CSNK1G3: variants seen among roughly 807,000 people sequenced by gnomAD.
The protein encoded by CSNK1G3 is casein kinase I isoform gamma-3.
A neutral mutation model predicts 64.3 loss-of-function variants in CSNK1G3; 23 were observed. The ratio of observed to expected loss-of-function variants is 0.36; its 90% CI spans 0.26 to 0.51. The LOEUF (loss-of-function observed/expected upper bound fraction) is 0.51, where lower values mean the gene tolerates loss of function less well. Among genes scored for constraint, CSNK1G3 ranks in the 20% least tolerant of loss-of-function variants. The pLI is 0.96. For missense variants in CSNK1G3, 357 were observed against 510.5 expected, an observed-to-expected ratio of 0.70 and a Z score of 2.90; for synonymous variants, 158 against 162.2, an observed-to-expected ratio of 0.97 and a Z score of 0.20.
intron 1 of CSNK1G3, among the ~76,000 whole-genome samples, chr5:123,537,204 T>C (rs1283124849): frequency 6.6e-6 from 1 of 152,144 alleles, no homozygotes; most frequent in Admixed American, 6.6e-5. Flanking sequence ...CATCAAAGGA[T>C]GAATGTGTAA....
At chr5:123,517,977 T>C (rs1247092261) in intron 1 of CSNK1G3, among the ~76,000 whole-genome samples, 4 of 151,916 alleles carry the variant, frequency 2.6e-5, no homozygotes, top group Non-Finnish European at 5.9e-5. Flanking sequence ...CAGAGGTTCA[T>C]TCCTTAGAGT....
chr5:123,544,924 G>A (rs192999216), intron 1 of CSNK1G3, among the ~76,000 whole-genome samples: 23 of 151,852 alleles, frequency 1.5e-4, no homozygotes, highest in African/African-American at 5.1e-4. Flanking sequence ...TAATTATAAG[G>A]TAATACTTGA....
chr5:123,549,937 T>G (rs557334239), intron 2 of CSNK1G3, among the ~76,000 whole-genome samples: 2 of 152,340 alleles, frequency 1.3e-5, no homozygotes, highest in East Asian at 3.9e-4. Flanking sequence ...CTTATTTTTG[T>G]TTTTTCTTTT....
intron 12 of CSNK1G3, among the ~76,000 whole-genome samples, chr5:123,606,966 TAA>T (rs1795470882): frequency 6.6e-6 from 1 of 152,174 alleles, no homozygotes; most frequent in Admixed American, 6.6e-5. Flanking sequence ...CTTGTAAAGA[TAA>T]AGATTACTTC....
At chr5:123,526,862 G>GTGTT (rs1655809575) in intron 1 of CSNK1G3, among the ~76,000 whole-genome samples, 2 of 120,144 alleles carry the variant, frequency 1.7e-5, no homozygotes, top group Admixed American at 1.6e-4. Flanking sequence ...GTGTGTGTGT[G>GTGTT]TGTGTGTGTG....
intron 2 of CSNK1G3, among the ~76,000 whole-genome samples, chr5:123,546,982 G>T (rs1258710782): frequency 1.3e-5 from 2 of 152,022 alleles, no homozygotes; most frequent in Admixed American, 6.6e-5. Flanking sequence ...TATTTGAAGG[G>T]TATTGAATTA....
At chr5:123,612,580 T>C (rs1561639386) in intron 12 of CSNK1G3, among the ~76,000 whole-genome samples, 1 of 151,350 alleles carries the variant, frequency 6.6e-6, no homozygotes, top group East Asian at 2.0e-4. Context: ...TGGGTTCAAG[T>C]GATTCTCCTG....
intron 2 of CSNK1G3, among the ~76,000 whole-genome samples, chr5:123,547,762 A>G (rs1206905695): frequency 1.3e-5 from 2 of 152,066 alleles, no homozygotes; most frequent in African/African-American, 4.8e-5. Flanking sequence ...TGTTTTATGT[A>G]TACTTATAAT....
intron 1 of CSNK1G3, among the ~76,000 whole-genome samples, chr5:123,523,175 A>G (rs548363216): frequency 6.6e-6 from 1 of 152,196 alleles, no homozygotes; most frequent in Admixed American, 6.5e-5. Context: ...ACCACTGTTG[A>G]TGAGGAACGG....
intron 2 of CSNK1G3, among the ~76,000 whole-genome samples, chr5:123,548,459 CAAAAAAAAAAA>C (rs58778870): frequency 2.5e-5 from 2 of 79,286 alleles, no homozygotes; most frequent in Non-Finnish European, 5.0e-5. Flanking sequence ...GACTCTGTCT[CAAAAAAAAAAA>C]AAAAAAAAGG....
In CSNK1G3 at chr5:123,545,505, G is replaced by T; in HGVS notation, c.-159G>T. ...GACACTAAGAAAAATTTTACGAATGGGATGAACATGCTCCAGTTAATTGAC... is the reference window on the plus strand; with the variant it reads ...GACACTAAGAAAAATTTTACGAATGTGATGAACATGCTCCAGTTAATTGAC... On this transcript the variant is annotated 5_prime_UTR_variant, in exon 2 of 13. It introduces an in-frame stop codon into an upstream open reading frame of the 5' UTR. Transcript: ENST00000345990. 1 of 522,892 alleles carries T rather than the reference G, an allele frequency of 1.9e-6. No individual in the cohort carries two copies. 32.4% of individuals were successfully genotyped at this position (522,892 alleles called of 1,614,324 possible).
At chr5:123,573,096 A>G (rs374342355) in intron 4 of CSNK1G3, among the ~76,000 whole-genome samples, 1 of 152,184 alleles carries the variant, frequency 6.6e-6, no homozygotes, top group African/African-American at 2.4e-5. Context: ...GGAAATATAA[A>G]GCTAAAAAGC....
chr5:123,529,777 A>C (rs1371753007), intron 1 of CSNK1G3, among the ~76,000 whole-genome samples: 1 of 152,154 alleles, frequency 6.6e-6, no homozygotes, highest in Admixed American at 6.6e-5. Context: ...GTCATTCTTA[A>C]AGATGAAGGT....
exon 13 of CSNK1G3, chr5:123,615,757 A>G (rs1371409034): frequency 6.6e-6 from 1 of 152,194 alleles, no homozygotes; most frequent in Non-Finnish European, 1.5e-5. Context: ...AAAGATAATT[A>G]TTTTGAATAA....
chr5:123,600,906 T>C (rs1207968273), intron 10 of CSNK1G3, among the ~76,000 whole-genome samples: 5 of 150,912 alleles, frequency 3.3e-5, no homozygotes, highest in African/African-American at 4.9e-5. Flanking sequence ...TAGTTGCCTT[T>C]TTTTTTTTTT....
intron 8 of CSNK1G3, 54 bp from the exon 9 acceptor site, chr5:123,590,347 CTTAATTTTA>C: frequency 1.3e-6 from 1 of 790,216 alleles, no homozygotes; most frequent in Non-Finnish European, 1.8e-6. Flanking sequence ...CTTTTAGATA[CTTAATTTTA>C]TTACTGAGTA....
At chr5:123,533,786 A>G (rs957693848) in intron 1 of CSNK1G3, among the ~76,000 whole-genome samples, 2 of 151,340 alleles carry the variant, frequency 1.3e-5, no homozygotes, top group Non-Finnish European at 2.9e-5. Context: ...TGTTCTTCAT[A>G]TGATCTGCTT....
chr5:123,583,359 GTTT>G (rs10611933), intron 6 of CSNK1G3, among the ~76,000 whole-genome samples: 43 of 111,266 alleles, frequency 3.9e-4, no homozygotes, highest in Non-Finnish European at 4.2e-4. Context: ...TAGAAATCCA[GTTT>G]TTTTTTTTTT....
chr5:123,571,241 A>G (rs1788038947), intron 4 of CSNK1G3, among the ~76,000 whole-genome samples: 1 of 151,984 alleles, frequency 6.6e-6, no homozygotes, highest in South Asian at 2.1e-4. Context: ...ATTTGTATCC[A>G]TTCCTGCTAT....
Sources: allele counts gnomAD v4.1 joint callset (sites outside exome capture counted in the v4.1 genomes callset), GRCh38; gene constraint gnomAD v4.1.1; transcripts MANE v1.5; gene names NCBI Gene and HGNC (gene_info 2026-07-23, HGNC 2026-07-21).